Variants in SLC22A24 observed in about 807,000 individuals in gnomAD.
The protein encoded by SLC22A24 is steroid transmembrane transporter SLC22A24.
A neutral mutation model predicts 49.8 loss-of-function variants in SLC22A24; 53 were observed. The observed-to-expected ratio is 1.06, with a 90% CI of 0.85 to 1.34. The LOEUF (loss-of-function observed/expected upper bound fraction) is 1.34, where lower values mean the gene tolerates loss of function less well. SLC22A24 is among the 40% of genes most tolerant of loss of function. The pLI is 0.00. For synonymous variants in SLC22A24, 302 were observed against 256.4 expected, an observed-to-expected ratio of 1.18 and a Z score of -1.70; for missense variants, 786 against 675.9, an observed-to-expected ratio of 1.16 and a Z score of -1.81.
chr11:63,113,978 C>G (rs1015741899), intron 4 of SLC22A24, among the ~76,000 whole-genome samples: 3 of 152,020 alleles, frequency 2.0e-5, no homozygotes, highest in Non-Finnish European at 4.4e-5. Flanking sequence ...CGACCTTTCT[C>G]TCTGGCTGCC....
intron 2 of SLC22A24, 98 bp downstream of exon 2, chr11:63,134,567 T>C (rs2087359317): frequency 4.2e-6 from 3 of 720,804 alleles, no homozygotes; most frequent in Non-Finnish European, 7.1e-6. Context: ...CATAGCACAA[T>C]GCAAAGTATA....
intron 2 of SLC22A24, among the ~76,000 whole-genome samples, chr11:63,123,401 C>T (rs931495621): frequency 1.3e-5 from 2 of 152,288 alleles, no homozygotes; most frequent in South Asian, 2.1e-4. Context: ...TCTCTATCTA[C>T]ATTTCTTTTC....
chr11:63,108,792 T>A lies in SLC22A24; in HGVS notation c.831-4494A>T, dbSNP rs1481708674. Among the ~76,000 whole-genome samples, 4 of 140,836 alleles carry A rather than the reference T, an allele frequency of 2.8e-5. No homozygotes were observed. In the East Asian group the frequency reaches 7.8e-4, roughly 27 times the overall value. 92.4% of individuals were successfully genotyped at this position (140,836 alleles called of 152,430 possible). On this transcript the variant is annotated intron_variant, in intron 4 of 9. Coordinates refer to ENST00000612278, the MANE Select transcript of SLC22A24 (RefSeq NM_001136506.2). ...TCAGTGGTGATATCCCCTTTATCAT[T>A]TTTTTTTGCATCTATTTGATTCTTT... is the stretch of plus-strand genomic sequence containing the variant.
chr11:63,115,546 T>C (rs919270654), intron 4 of SLC22A24, among the ~76,000 whole-genome samples: 1 of 152,182 alleles, frequency 6.6e-6, no homozygotes, highest in Non-Finnish European at 1.5e-5. Flanking sequence ...TGCGCCCTGC[T>C]TCAGCTCACC....
intron 4 of SLC22A24, among the ~76,000 whole-genome samples, chr11:63,111,977 G>A (rs1009875069): frequency 6.8e-4 from 103 of 151,856 alleles, no homozygotes; most frequent in Non-Finnish European, 1.2e-3. Flanking sequence ...GCTTTCTCTT[G>A]TGGGCATCTA....
intron 4 of SLC22A24, among the ~76,000 whole-genome samples, chr11:63,106,673 T>C (rs1207271646): frequency 6.7e-6 from 1 of 148,318 alleles, no homozygotes; most frequent in Admixed American, 6.9e-5. Context: ...ATTTCTCTGA[T>C]GGCCAGTGAT....
At chr11:63,142,527 G>C (rs771992213) in intron 1 of SLC22A24, among the ~76,000 whole-genome samples, 1 of 152,144 alleles carries the variant, frequency 6.6e-6, no homozygotes, top group African/African-American at 2.4e-5. Flanking sequence ...TCCCAAAGCA[G>C]ACCTCCTTCT....
At chr11:63,112,100 G>T (rs1380289841) in intron 4 of SLC22A24, among the ~76,000 whole-genome samples, 1 of 151,916 alleles carries the variant, frequency 6.6e-6, no homozygotes, top group Non-Finnish European at 1.5e-5. Context: ...CCTTCATTTC[G>T]TTATGTACCC....
rs187547021 is a variant in SLC22A24 at position 63,139,437 on chromosome 11, T to C, written c.402+3941A>G. Among the ~76,000 whole-genome samples, 97 of 152,282 alleles carry C rather than the reference T, an allele frequency of 6.4e-4. 1 individual carries two copies. The East Asian group carries it at 0.016, about 26-fold the overall frequency. On this transcript the variant is annotated intron_variant, in intron 1 of 9. Transcript: ENST00000612278. ...TACTTTTCATTATGAAAGAGCTTGG[T>C]GTGTAATAACTAGGTAGGAAATATA...
In SLC22A24 at chr11:63,129,618, G is replaced by A. The variant is rs994699535; in HGVS notation, c.506+5047C>T. On this transcript the variant is annotated intron_variant, in intron 2 of 9. Transcript: ENST00000612278. ...TTCTTCCTATCCATGACCATGGAAT[G>A]TTCTTCCACTTGCTTGTGTCCTCTT... is the stretch of plus-strand genomic sequence containing the variant. 3.3e-5 allele frequency among the ~76,000 whole-genome samples: 5 copies of A among 152,170 alleles called. No homozygotes were observed. In the South Asian group the frequency reaches 1.0e-3, roughly 32 times the overall value.
intron 1 of SLC22A24, among the ~76,000 whole-genome samples, chr11:63,135,919 A>G (rs2087370928): frequency 6.6e-6 from 1 of 152,222 alleles, no homozygotes; most frequent in African/African-American, 2.4e-5. Context: ...AACAATGACC[A>G]GTTGAGAGCA....
chr11:63,136,124 C>A (rs2087372466), intron 1 of SLC22A24, among the ~76,000 whole-genome samples: 1 of 152,114 alleles, frequency 6.6e-6, no homozygotes, highest in Non-Finnish European at 1.5e-5. Flanking sequence ...AACAACAAAC[C>A]ATTCCTCAAT....
At chr11:63,096,440 A>T (rs1362961491) in intron 5 of SLC22A24, among the ~76,000 whole-genome samples, 1 of 152,202 alleles carries the variant, frequency 6.6e-6, no homozygotes, top group African/African-American at 2.4e-5. Context: ...TTTCTTATCC[A>T]CTGGGCATGA....
At chr11:63,119,924 G>C (rs2087239350) in intron 2 of SLC22A24, among the ~76,000 whole-genome samples, 1 of 151,924 alleles carries the variant, frequency 6.6e-6, no homozygotes, top group Non-Finnish European at 1.5e-5. Flanking sequence ...GTCTTCTTTT[G>C]AGAAGTGTCT....
chr11:63,113,027 A>AT lies in SLC22A24; in HGVS notation c.830+5884_830+5885insA, dbSNP rs2087178613. ...ACTCTGTCTCAAAAAAAAAAAAAAA[A>AT]AAAAAAAAATATATATATATATATA... On this transcript the variant is annotated intron_variant, in intron 4 of 9. Coordinates refer to ENST00000612278, the MANE Select transcript of SLC22A24 (RefSeq NM_001136506.2). Among the ~76,000 whole-genome samples the AT allele has an allele frequency of 1.7e-4, 10 of 59,066 alleles. 1 individual carries two copies. Among genetic ancestry groups the AT allele is most frequent in the Admixed American group, 2.2e-4 (1 of 4,446 alleles). 38.7% of individuals were successfully genotyped at this position (59,066 alleles called of 152,430 possible). A position where few individuals can be genotyped will look rare whatever the true frequency, so the allele number is the denominator to read the frequency against.
At chr11:63,084,645 C>G (rs961417359) in intron 6 of SLC22A24, among the ~76,000 whole-genome samples, 6 of 152,150 alleles carry the variant, frequency 3.9e-5, no homozygotes, top group African/African-American at 1.4e-4. Context: ...CCATGCCCAG[C>G]ATCCAACAGT....
chr11:63,114,593 C>G (rs2087198738), intron 4 of SLC22A24, among the ~76,000 whole-genome samples: 1 of 152,176 alleles, frequency 6.6e-6, no homozygotes, highest in South Asian at 2.1e-4. Flanking sequence ...CAGCTTTGTT[C>G]TGTTGCTTGT....
intron 5 of SLC22A24, among the ~76,000 whole-genome samples, chr11:63,101,012 G>A (rs1200822175): frequency 6.6e-6 from 1 of 152,010 alleles, no homozygotes. Flanking sequence ...AATATGCCAA[G>A]CAGAAGCACA....
intron 6 of SLC22A24, among the ~76,000 whole-genome samples, 181 bp from the exon 7 acceptor site, chr11:63,083,638 G>C (rs2086972030): frequency 6.6e-6 from 1 of 152,096 alleles, no homozygotes; most frequent in African/African-American, 2.4e-5. Context: ...TTCAGACAAT[G>C]GTCTTAAAAT....
Sources: gnomAD v4.1 joint callset for allele counts (sites outside exome capture counted in the v4.1 genomes callset) on GRCh38, gnomAD v4.1.1 for gene constraint, MANE v1.5 for transcripts, NCBI Gene and HGNC (gene_info 2026-07-23, HGNC 2026-07-21) for gene names.